Variants in ADAMTS8 observed in about 807,000 individuals in gnomAD.
ADAMTS8 encodes the protein A disintegrin and metalloproteinase with thrombospondin motifs 8.
In ADAMTS8, 50 loss-of-function variants were observed where a neutral mutation model predicts 64.4. The ratio of observed to expected loss-of-function variants is 0.78; its 90% CI spans 0.62 to 0.98. ADAMTS8 has a LOEUF of 0.98. ADAMTS8 is among the 50% of genes least tolerant of loss of function. The probability of loss-of-function intolerance (pLI) is 0.00; values close to 1 mark genes in which losing one functional copy is unlikely to be tolerated. For missense variants in ADAMTS8, 1,192 were observed against 1,208.2 expected (o/e 0.99, Z 0.20); for synonymous variants, 556 against 533.6 (o/e 1.04, Z -0.58).
chr11:130,416,108 G>A lies in ADAMTS8; in HGVS notation c.1264+55C>T. The A allele has an allele frequency of 1.3e-6, 2 of 1,496,276 alleles. No individual in the cohort carries two copies. The highest frequency in any genetic ancestry group is 4.2e-5 in the Admixed American group (2 of 48,168). 92.7% of individuals were successfully genotyped at this position (1,496,276 alleles called of 1,614,324 possible). A position where few individuals can be genotyped will look rare whatever the true frequency, so the allele number is the denominator to read the frequency against. ...ACAGCTGGAGGGGGTCTCTGCGCCA[G>A]CACCAGTGGAAGGAGGCCCACGGGG... On this transcript the variant is annotated intron_variant, in intron 4 of 8. Transcript: ENST00000257359. The surrounding 1 kb of genome is among the most constrained non-coding windows in gnomAD (Gnocchi z 4.8).
rs138475871 is a variant in ADAMTS8, at chr11:130,421,044, C to T, written c.721-1752G>A. Among the ~76,000 whole-genome samples the T allele has an allele frequency of 4.4e-3, 675 of 152,242 alleles. 6 individuals carry two copies. The highest frequency in any genetic ancestry group is 0.015 in the African/African-American group (644 of 41,550). ...CAACCGTCATCACAAGATTTCTTCC[C>T]GCTGAGTCCCAGTTTCACAATCTCA... On this transcript the variant is annotated intron_variant, in intron 1 of 8. Transcript: ENST00000257359.
chr11:130,404,925 G>T lies in ADAMTS8; in HGVS notation c.*633C>A. 1.1e-6 allele frequency: 1 copy of T among 946,674 alleles called. No homozygotes were observed. The highest frequency in any genetic ancestry group is 1.3e-6 in the Non-Finnish European group (1 of 794,158). The allele number at this position is 946,674 out of a possible 1,614,324, so 58.6% of individuals were successfully genotyped here. ...ATGAATCAGACCAGACCACTGCATT[G>T]GCATAAGATCACACTTTAGTTCAGA... On this transcript the variant is annotated 3_prime_UTR_variant, in exon 9 of 9. Coordinates refer to ENST00000257359, the MANE Select transcript of ADAMTS8 (RefSeq NM_007037.6).
rs953282426 is a variant in ADAMTS8 at position 130,416,950 on chromosome 11, G to A, written c.1086C>T (p.Ala362=). ...CACAGCAAATCTTACCTAGTTCATG[G>A]GCCAGGGTGTGGGCCGCCTGGAGCC... is the stretch of plus-strand genomic sequence containing the variant. The part of the protein sequence containing the change: ...DEGLQAAHTL[A]HELGHVLSMP... The change falls in exon 3 of 9, where the codon GCC becomes GCT. Residue 362 remains alanine, a synonymous_variant. Transcript: ENST00000257359. This position sits in a 1 kb window ranked among gnomAD's most constrained non-coding sequence, Gnocchi z 4.8. 3 of 1,614,106 alleles carry A rather than the reference G, an allele frequency of 1.9e-6. No homozygotes were observed. Among genetic ancestry groups the A allele is most frequent in the African/African-American group, 1.3e-5 (1 of 75,052 alleles).
intron 1 of ADAMTS8, among the ~76,000 whole-genome samples, chr11:130,419,513 T>G (rs1228774721): frequency 6.6e-6 from 1 of 152,242 alleles, no homozygotes; most frequent in African/African-American, 2.4e-5. Context: ...GCATGAACAG[T>G]GGTCTTTGAA....
Position 130,427,619 on chromosome 11 carries a change from G to A in ADAMTS8, c.668C>T (p.Thr223Met). 6.4e-7 allele frequency: 1 copy of A among 1,557,926 alleles called. No individual in the cohort carries two copies. The change falls in exon 1 of 9, where the codon ACG becomes ATG. Residue 223 changes from threonine to methionine, a missense_variant. Physicochemically the swap from Thr to Met is moderately conservative, Grantham distance 81. Coordinates refer to ENST00000257359, the MANE Select transcript of ADAMTS8 (RefSeq NM_007037.6). Reference sequence around the variant, plus strand: ...CATGGACGCATCGGCCACCAGCAGCGTCTCCACGAAGCGCGCCTCAGACAC... The same window carrying A: ...CATGGACGCATCGGCCACCAGCAGCATCTCCACGAAGCGCGCCTCAGACAC... ...RFVSEARFVE[T>M]LLVADASMAA...
chr11:130,415,346 C>T (rs1279217175), intron 4 of ADAMTS8, among the ~76,000 whole-genome samples: 3 of 152,164 alleles, frequency 2.0e-5, no homozygotes, highest in African/African-American at 7.2e-5. Flanking sequence ...CTCTGTTGCC[C>T]AGGCTGGAGT....
At chr11:130,418,477 G>A (rs1025756328) in intron 2 of ADAMTS8, among the ~76,000 whole-genome samples, 2 of 152,218 alleles carry the variant, frequency 1.3e-5, no homozygotes, top group South Asian at 4.1e-4. Flanking sequence ...GGGCGCTGCC[G>A]CTATGTGGCA....
intron 1 of ADAMTS8, among the ~76,000 whole-genome samples, chr11:130,423,376 C>T (rs1001569956): frequency 6.6e-6 from 1 of 152,178 alleles, no homozygotes; most frequent in Non-Finnish European, 1.5e-5. Flanking sequence ...TGTCTTTCTC[C>T]CTGGTAGCCA....
intron 1 of ADAMTS8, among the ~76,000 whole-genome samples, chr11:130,425,615 T>TA (rs1354964894): frequency 6.6e-6 from 1 of 151,484 alleles, no homozygotes; most frequent in African/African-American, 2.4e-5. Context: ...TTTTTTTTTT[T>TA]TTTAAGATGG....
chr11:130,428,174 G>C lies in ADAMTS8; in HGVS notation c.113C>G (p.Ser38Trp), dbSNP rs1359621505. Residue 38 changes from serine (S) to tryptophan (W), a missense_variant, in exon 1 of 9, where the codon TCG becomes TGG. By Grantham distance (177) the Ser-to-Trp change is radical (BLOSUM62 -3). Around this residue, in one of 5 missense-constraint regions of ADAMTS8, gnomAD observed 741 missense variants for 710.6 expected, o/e 1.04. Coordinates refer to ENST00000257359, the MANE Select transcript of ADAMTS8 (RefSeq NM_007037.6). Reference sequence around the variant, plus strand: ...CAACCGCGTGGGCACCACCAGCTCCGAGGCCTGCCCCCCGGCTGCGGGCCG... The same window carrying C: ...CAACCGCGTGGGCACCACCAGCTCCCAGGCCTGCCCCCCGGCTGCGGGCCG... ...PARPAAGGQA[S>W]ELVVPTRLPG... 1 of 1,371,154 alleles carries C rather than the reference G, an allele frequency of 7.3e-7. No individual in the cohort carries two copies. The highest frequency in any genetic ancestry group is 9.3e-7 in the Non-Finnish European group (1 of 1,071,890). 84.9% of individuals were successfully genotyped at this position (1,371,154 alleles called of 1,614,324 possible). A position where few individuals can be genotyped will look rare whatever the true frequency, so the allele number is the denominator to read the frequency against.
rs1375872756 is a variant in ADAMTS8 at position 130,408,757 on chromosome 11, G to T, written c.1923+11C>A. On this transcript the variant is annotated intron_variant, in intron 7 of 8. Coordinates refer to ENST00000257359, the MANE Select transcript of ADAMTS8 (RefSeq NM_007037.6). ...CCCATCTCTGGATCTGAGTCCCAGG[G>T]TGATTCTCACCTTGGCCTCGAACAC... 2 of 1,613,912 alleles carry T rather than the reference G, an allele frequency of 1.2e-6. No individual in the cohort carries two copies. Among genetic ancestry groups the T allele is most frequent in the Non-Finnish European group, 1.7e-6 (2 of 1,180,006 alleles).
rs1862028682 is a variant in ADAMTS8, at chr11:130,416,621, CCA to C, written c.1097-293_1097-292del. On this transcript the variant is annotated intron_variant, in intron 3 of 8. Coordinates refer to ENST00000257359, the MANE Select transcript of ADAMTS8 (RefSeq NM_007037.6). The surrounding 1 kb of genome is among the most constrained non-coding windows in gnomAD (Gnocchi z 4.8). Reference sequence around the variant, plus strand: ...TGGACCATTGTTCTTCCCCCAGATCCCACGGCTTAGCTTGTGCACAGCTCCAC... The same window carrying C: ...TGGACCATTGTTCTTCCCCCAGATCCCGGCTTAGCTTGTGCACAGCTCCAC... Among the ~76,000 whole-genome samples, 1 of 152,192 alleles carries C rather than the reference CCA, an allele frequency of 6.6e-6. No homozygotes were observed. Among genetic ancestry groups the C allele is most frequent in the African/African-American group, 2.4e-5 (1 of 41,432 alleles).
chr11:130,408,473 G>A lies in ADAMTS8; in HGVS notation c.2090C>T (p.Thr697Ile), dbSNP rs1417726772. 1.2e-6 allele frequency: 2 copies of A among 1,613,588 alleles called. No homozygotes were observed. Among genetic ancestry groups the A allele is most frequent in the Admixed American group, 1.7e-5 (1 of 60,022 alleles). Residue 697 changes from threonine (T) to isoleucine (I), a missense_variant, in exon 8 of 9, where the codon ACC (threonine) becomes ATC (isoleucine). Physicochemically the swap from Thr to Ile is moderately conservative, Grantham distance 89. Around this residue, in one of 5 missense-constraint regions of ADAMTS8, gnomAD observed 290 missense variants for 297.8 expected, o/e 0.97. Transcript: ENST00000257359. ...TTCTGGGGAGACTCACTTGGTGGGG[G>A]TGAGGGACCCGGAGACCTTCCTGCA... ...NSCRKVSGSLTPTNYGYNDIV... is the reference protein window; with the variant it reads ...NSCRKVSGSLIPTNYGYNDIV...
At position 130,408,622 on chromosome 11, in the gene ADAMTS8, CAG is replaced by C. The variant is rs1721834215; in HGVS notation, c.1939_1940del (p.Leu647ValfsTer20). Reference sequence around the variant, plus strand: ...AGATGGCCAGTGTTTCTGGCCCACACAGGGTGCCATCAATCACCTGCAACGGG... The same window carrying C: ...AGATGGCCAGTGTTTCTGGCCCACACGGTGCCATCAATCACCTGCAACGGG... ...VFEAKVIDGT[L>X]CGPETLAICV... On this transcript the variant is annotated frameshift_variant, in exon 8 of 9. Transcript: ENST00000257359. LOFTEE classifies it high-confidence loss of function. 1 of 1,614,000 alleles carries C rather than the reference CAG, an allele frequency of 6.2e-7. No individual in the cohort carries two copies. The highest frequency in any genetic ancestry group is 1.7e-5 in the Admixed American group (1 of 60,010).
chr11:130,412,047 C>T (rs1861959180), intron 5 of ADAMTS8: 1 of 170,390 alleles, frequency 5.9e-6, no homozygotes, highest in African/African-American at 2.4e-5. Context: ...AGTGATGCTG[C>T]TCCACATCCA....
Position 130,416,186 on chromosome 11 carries a change from G to A in ADAMTS8, c.1241C>T (p.Thr414Ile). ...PWSPCSAMYL[T>I]ELLDGGHGDC... ...ACCGTGCCCGCCGTCCAGAAGCTCT[G>A]TGAGATACATGGCGCTGCAGGGGGA... The change falls in exon 4 of 9, where the codon ACA becomes ATA. Residue 414 changes from threonine to isoleucine, a missense_variant. Thr to Ile is a moderately conservative substitution (Grantham distance 89). Around this residue, in one of 5 missense-constraint regions of ADAMTS8, gnomAD observed 741 missense variants for 710.6 expected, o/e 1.04. Coordinates refer to ENST00000257359, the MANE Select transcript of ADAMTS8 (RefSeq NM_007037.6). The surrounding 1 kb of genome is among the most constrained non-coding windows in gnomAD (Gnocchi z 4.8). 1 of 1,595,354 alleles carries A rather than the reference G, an allele frequency of 6.3e-7. No individual in the cohort carries two copies. The highest frequency in any genetic ancestry group is 8.5e-7 in the Non-Finnish European group (1 of 1,171,022).
chr11:130,427,210 T>C (rs958082877), intron 1 of ADAMTS8, among the ~76,000 whole-genome samples: 7 of 152,216 alleles, frequency 4.6e-5, no homozygotes, highest in African/African-American at 1.7e-4. Context: ...TTTTCATCTC[T>C]GCTGGGAGAG....
Position 130,405,982 on chromosome 11 carries a change from G to A in ADAMTS8, c.2246C>T (p.Ala749Val), listed in dbSNP as rs1278376106. Residue 749 changes from alanine to valine, a missense_variant, in exon 9 of 9, where the codon GCC becomes GTC. This residue lies in a region of ADAMTS8 where 290 missense variants were observed against 297.8 expected (regional missense o/e 0.97). Transcript: ENST00000257359. ...DGQYLLNGNLAISAIEQDILV... is the reference protein window; with the variant it reads ...DGQYLLNGNLVISAIEQDILV... ...GATGTCCTGCTCTATGGCAGAGATG[G>A]CCAGGTTGCCGTTGAGCAGGTACTG... is the stretch of plus-strand genomic sequence containing the variant. The A allele has an allele frequency of 1.2e-6, 2 of 1,614,202 alleles. No individual in the cohort carries two copies. The highest frequency in any genetic ancestry group is 1.7e-6 in the Non-Finnish European group (2 of 1,180,042).
intron 1 of ADAMTS8, among the ~76,000 whole-genome samples, chr11:130,425,670 C>G (rs370358159): frequency 4.6e-5 from 7 of 151,440 alleles, no homozygotes; most frequent in South Asian, 2.1e-4. Context: ...GCGCGGTCTC[C>G]GCTCACTGCA....
Sources: gnomAD v4.1 joint callset for allele counts (sites outside exome capture counted in the v4.1 genomes callset) on GRCh38, gnomAD v4.1.1 for gene constraint, gnomAD v4.1.1 regional missense constraint, Gnocchi (gnomAD v3.1) non-coding constraint, MANE v1.5 for transcripts, NCBI Gene and HGNC (gene_info 2026-07-23, HGNC 2026-07-21) for gene names.